SLC25A21: variants seen among roughly 807,000 people sequenced by gnomAD.
The protein encoded by SLC25A21 is mitochondrial 2-oxodicarboxylate carrier.
A neutral mutation model predicts 43.8 loss-of-function variants in SLC25A21; 47 were observed. The ratio of observed to expected loss-of-function variants is 1.07; its 90% confidence interval spans 0.85 to 1.37. SLC25A21 has a LOEUF of 1.37. Among genes scored for constraint, SLC25A21 ranks in the 40% most tolerant of loss-of-function variants. The pLI, the probability that SLC25A21 is intolerant of heterozygous loss-of-function variation, is 0.00. For missense variants in SLC25A21, 352 were observed against 350.2 expected, an observed-to-expected ratio of 1.00 and a Z score of -0.04; for synonymous variants, 131 against 121.3, an observed-to-expected ratio of 1.08 and a Z score of -0.52.
At chr14:36,753,358 C>A (rs1885787752) in intron 3 of SLC25A21, among the ~76,000 whole-genome samples, 1 of 151,834 alleles carries the variant, frequency 6.6e-6, no homozygotes, top group South Asian at 2.1e-4. Flanking sequence ...AGGAAAGGAC[C>A]CACTGAGAAG....
At chr14:36,821,919 C>G (rs1369234266) in intron 2 of SLC25A21, among the ~76,000 whole-genome samples, 7 of 152,134 alleles carry the variant, frequency 4.6e-5, no homozygotes, top group African/African-American at 1.7e-4. Flanking sequence ...TCAACAGGGC[C>G]TCTAATCATG....
intron 1 of SLC25A21, among the ~76,000 whole-genome samples, chr14:36,954,154 T>C (rs938178342): frequency 6.6e-6 from 1 of 152,184 alleles, no homozygotes; most frequent in African/African-American, 2.4e-5. Context: ...AGCTGAAACC[T>C]GAAAGTCAAT....
At chr14:36,884,284 G>T (rs1322446100) in intron 1 of SLC25A21, among the ~76,000 whole-genome samples, 1 of 152,000 alleles carries the variant, frequency 6.6e-6, no homozygotes, top group Non-Finnish European at 1.5e-5. Context: ...ACGTCCTCTG[G>T]GTTCATCCAT....
chr14:36,753,960 A>AGAGAGAGAGAGAG (rs1491582315), intron 3 of SLC25A21, among the ~76,000 whole-genome samples: 7 of 141,538 alleles, frequency 4.9e-5, no homozygotes, highest in South Asian at 2.3e-4. Context: ...AGAGAGAGAG[A>AGAGAGAGAGAGAG]AAGAGAGAGA....
chr14:36,695,312 A>T (rs1373268746), intron 7 of SLC25A21, among the ~76,000 whole-genome samples: 2 of 152,290 alleles, frequency 1.3e-5, no homozygotes, highest in African/African-American at 4.8e-5. Context: ...GGGTTACTGT[A>T]GCCTTGTAGT....
Position 37,167,855 on chromosome 14 carries a change from C to T in SLC25A21, c.70+4426G>A, listed in dbSNP as rs115989779. 9.0e-3 allele frequency among the ~76,000 whole-genome samples: 1,368 copies of T among 151,924 alleles called. 13 individuals are homozygous for T. Among genetic ancestry groups the T allele is most frequent in the Non-Finnish European group, 0.015 (1,013 of 67,982 alleles). ...CTTCGACTCCCTATGATTTCATCTC[C>T]GACCTGACCAATCAGCACTCCTGAC... On this transcript the variant is annotated intron_variant, in intron 1 of 9. Coordinates refer to ENST00000331299, the MANE Select transcript of SLC25A21 (RefSeq NM_030631.4).
intron 1 of SLC25A21, among the ~76,000 whole-genome samples, chr14:36,949,541 T>G (rs570852552): frequency 5.7e-4 from 87 of 152,334 alleles, no homozygotes; most frequent in African/African-American, 2.0e-3. Context: ...CCTTGTCCCC[T>G]GCCTCCTCTG....
chr14:37,123,178 G>C (rs1182138825), intron 1 of SLC25A21, among the ~76,000 whole-genome samples: 1 of 152,214 alleles, frequency 6.6e-6, no homozygotes, highest in Admixed American at 6.5e-5. Context: ...GCTTAATGCT[G>C]TAAGTGATTT....
intron 7 of SLC25A21, among the ~76,000 whole-genome samples, chr14:36,701,959 G>A (rs909452474): frequency 6.6e-6 from 1 of 152,180 alleles, no homozygotes; most frequent in Non-Finnish European, 1.5e-5. Flanking sequence ...AGATAATCAA[G>A]AAGAAGTCTT....
intron 1 of SLC25A21, among the ~76,000 whole-genome samples, chr14:37,037,999 T>G (rs1331830570): frequency 6.6e-6 from 1 of 152,188 alleles, no homozygotes; most frequent in Non-Finnish European, 1.5e-5. Context: ...TTGCCCTTAC[T>G]TAAACTTAAA....
intron 3 of SLC25A21, among the ~76,000 whole-genome samples, chr14:36,810,917 A>AAAAG (rs1316361019): frequency 8.6e-5 from 13 of 151,950 alleles, no homozygotes; most frequent in Non-Finnish European, 1.8e-4. Flanking sequence ...TATGATAGAG[A>AAAAG]AAAGAGTGGG....
intron 1 of SLC25A21, among the ~76,000 whole-genome samples, chr14:36,962,541 T>A (rs1272746125): frequency 6.6e-6 from 1 of 152,152 alleles, no homozygotes; most frequent in Non-Finnish European, 1.5e-5. Flanking sequence ...TCTATCTCTC[T>A]TTTTTATTTT....
intron 3 of SLC25A21, among the ~76,000 whole-genome samples, chr14:36,796,716 C>T (rs1194521964): frequency 6.6e-6 from 1 of 152,132 alleles, no homozygotes; most frequent in African/African-American, 2.4e-5. Flanking sequence ...ACATGTATGA[C>T]ACGCAGCACA....
intron 7 of SLC25A21, among the ~76,000 whole-genome samples, chr14:36,693,066 T>C (rs1323957526): frequency 2.0e-5 from 3 of 152,204 alleles, no homozygotes; most frequent in African/African-American, 7.2e-5. Flanking sequence ...TTCATTTCCT[T>C]AAGGCTGCAA....
chr14:37,089,194 A>G (rs1962538317), intron 1 of SLC25A21, among the ~76,000 whole-genome samples: 1 of 152,180 alleles, frequency 6.6e-6, no homozygotes, highest in African/African-American at 2.4e-5. Context: ...AATGAGGATT[A>G]AAAGGTTGAA....
chr14:36,894,323 T>C (rs1891174712), intron 1 of SLC25A21, among the ~76,000 whole-genome samples: 1 of 152,324 alleles, frequency 6.6e-6, no homozygotes, highest in African/African-American at 2.4e-5. Context: ...AGTTCACTCA[T>C]GATTTGGCTC....
intron 1 of SLC25A21, among the ~76,000 whole-genome samples, chr14:37,129,833 T>A (rs1407362596): frequency 4.0e-5 from 6 of 151,896 alleles, no homozygotes; most frequent in Non-Finnish European, 5.9e-5. Flanking sequence ...TTAACTTATA[T>A]TTATTTATAT....
intron 1 of SLC25A21, among the ~76,000 whole-genome samples, chr14:37,150,575 T>C (rs1963741992): frequency 6.6e-6 from 1 of 152,222 alleles, no homozygotes. Flanking sequence ...TAGTGGAATG[T>C]AATCAGAAGT....
chr14:36,984,768 C>A (rs1206771487), intron 1 of SLC25A21, among the ~76,000 whole-genome samples: 1 of 151,998 alleles, frequency 6.6e-6, no homozygotes, highest in African/African-American at 2.4e-5. Flanking sequence ...CCCACAGACC[C>A]CAAGAGTTTC....
Sources: allele counts gnomAD v4.1 joint callset (sites outside exome capture counted in the v4.1 genomes callset), GRCh38; gene constraint gnomAD v4.1.1; transcripts MANE v1.5; gene names NCBI Gene and HGNC (gene_info 2026-07-23, HGNC 2026-07-21).